Variants in RFX3 observed in about 807,000 individuals in gnomAD.
RFX3 encodes the protein transcription factor RFX3.
In RFX3, 14 loss-of-function variants were observed where a neutral mutation model predicts 98.6. The ratio of observed to expected loss-of-function variants is 0.14; its 90% CI spans 0.09 to 0.22. RFX3 has a LOEUF of 0.22. RFX3 is among the 10% of genes least tolerant of loss of function. The pLI, the probability that RFX3 is intolerant of heterozygous loss-of-function variation, is 1.00. For missense variants in RFX3, 639 were observed against 926.9 expected (o/e 0.69, Z 4.03); for synonymous variants, 383 against 328.4 (o/e 1.17, Z -1.80).
chr9:3,349,862 T>C (rs1453920639), intron 2 of RFX3, among the ~76,000 whole-genome samples: 2 of 152,098 alleles, frequency 1.3e-5, no homozygotes, highest in Non-Finnish European at 2.9e-5. Flanking sequence ...TATATTCCTT[T>C]TGACTTGGAA....
At chr9:3,287,695 G>A (rs146393452) in intron 7 of RFX3, among the ~76,000 whole-genome samples, 1 of 152,008 alleles carries the variant, frequency 6.6e-6, no homozygotes, top group East Asian at 1.9e-4. Flanking sequence ...CAGCAATTCT[G>A]TATCTATGAA....
intron 1 of RFX3, among the ~76,000 whole-genome samples, chr9:3,507,387 C>T (rs1817205006): frequency 6.6e-6 from 1 of 151,888 alleles, no homozygotes; most frequent in Non-Finnish European, 1.5e-5. Flanking sequence ...ATTAAACACT[C>T]ACATGTCAGG....
chr9:3,396,157 T>A (rs1388636738), intron 1 of RFX3, among the ~76,000 whole-genome samples: 3 of 152,050 alleles, frequency 2.0e-5, no homozygotes, highest in African/African-American at 7.3e-5. Context: ...TCATTTAACA[T>A]TAGGTATATC....
chr9:3,319,442 C>T (rs1049857290), intron 4 of RFX3, among the ~76,000 whole-genome samples: 1 of 151,932 alleles, frequency 6.6e-6, no homozygotes, highest in African/African-American at 2.4e-5. Flanking sequence ...CACAATGGTG[C>T]CAGTTAACTC....
intron 1 of RFX3, among the ~76,000 whole-genome samples, chr9:3,412,371 G>A (rs1842533957): frequency 6.6e-6 from 1 of 152,088 alleles, no homozygotes; most frequent in African/African-American, 2.4e-5. Context: ...GGAATGTTAT[G>A]AATTATAGAA....
At chr9:3,241,525 T>C (rs1180770036) in intron 15 of RFX3, among the ~76,000 whole-genome samples, 1 of 152,110 alleles carries the variant, frequency 6.6e-6, no homozygotes, top group African/African-American at 2.4e-5. Context: ...AACAGATTCC[T>C]TTCTCAAATC....
At chr9:3,300,528 T>C (rs1170851086) in intron 5 of RFX3, among the ~76,000 whole-genome samples, 1 of 151,744 alleles carries the variant, frequency 6.6e-6, no homozygotes, top group Non-Finnish European at 1.5e-5. Flanking sequence ...TTTCTATGAG[T>C]AAAAGTTTTA....
chr9:3,250,791 T>C (rs1346075766), intron 14 of RFX3, among the ~76,000 whole-genome samples: 1 of 152,000 alleles, frequency 6.6e-6, no homozygotes, highest in East Asian at 1.9e-4. Context: ...AGTAGTAACA[T>C]ACAAAGATGT....
At chr9:3,433,654 G>A (rs1844859274) in intron 1 of RFX3, among the ~76,000 whole-genome samples, 1 of 152,122 alleles carries the variant, frequency 6.6e-6, no homozygotes, top group East Asian at 1.9e-4. Flanking sequence ...TAGATTACAG[G>A]CTAAAAATGT....
rs1817275471 is a variant in RFX3 at position 3,220,358 on chromosome 9, A to G, written c.*4684T>C. 1 of 151,776 alleles carries G rather than the reference A, an allele frequency of 6.6e-6. No individual in the cohort carries two copies. The highest frequency in any genetic ancestry group is 1.9e-4 in the East Asian group (1 of 5,188). The allele number at this position is 151,776 out of a possible 1,614,324, so 9.4% of individuals were successfully genotyped here. On this transcript the variant is annotated 3_prime_UTR_variant, in exon 17 of 17. Transcript: ENST00000617270. ...GGGAAAAAAAAGACAAAAAAAAAAGAAACTTAACCCTTTCTTTATACCTTT... is the reference window on the plus strand; with the variant it reads ...GGGAAAAAAAAGACAAAAAAAAAAGGAACTTAACCCTTTCTTTATACCTTT...
intron 4 of RFX3, among the ~76,000 whole-genome samples, chr9:3,315,026 A>G (rs1411929014): frequency 2.6e-5 from 4 of 152,216 alleles, no homozygotes; most frequent in African/African-American, 9.7e-5. Context: ...AAGCAGACCT[A>G]ATAGACATCT....
chr9:3,503,300 G>C (rs745917806), intron 1 of RFX3, among the ~76,000 whole-genome samples: 1 of 152,130 alleles, frequency 6.6e-6, no homozygotes, highest in African/African-American at 2.4e-5. Flanking sequence ...ATATATAATT[G>C]TATAAGTTCA....
At chr9:3,378,048 G>T (rs12341437) in intron 2 of RFX3, among the ~76,000 whole-genome samples, 2,124 of 152,202 alleles carry the variant, frequency 0.014, 65 homozygotes, top group African/African-American at 0.048. Flanking sequence ...TAAGTATCCT[G>T]TTCATTGAGG....
chr9:3,278,832 G>C (rs760859132), intron 7 of RFX3, among the ~76,000 whole-genome samples: 13 of 151,708 alleles, frequency 8.6e-5, no homozygotes, highest in Non-Finnish European at 1.8e-4. Flanking sequence ...AGTCAGAGGG[G>C]GAAGAGATTG....
At chr9:3,270,971 G>A in intron 10 of RFX3, 32 bp downstream of exon 10, 1 of 1,613,492 alleles carries the variant, frequency 6.2e-7, no homozygotes. Context: ...ACTCAGCCAT[G>A]AAAATGAATT....
intron 1 of RFX3, among the ~76,000 whole-genome samples, chr9:3,499,900 C>T (rs369495340): frequency 2.0e-5 from 3 of 152,016 alleles, no homozygotes; most frequent in South Asian, 4.1e-4. Flanking sequence ...ATTCTTGGAA[C>T]CATTTAGCCC....
intron 1 of RFX3, among the ~76,000 whole-genome samples, chr9:3,439,495 G>C (rs909387455): frequency 2.0e-5 from 3 of 151,950 alleles, no homozygotes; most frequent in Admixed American, 2.0e-4. Flanking sequence ...AGAATCTATA[G>C]ATAATATGGG....
chr9:3,457,049 G>C (rs201699303), intron 1 of RFX3, among the ~76,000 whole-genome samples: 1 of 145,232 alleles, frequency 6.9e-6, no homozygotes, highest in African/African-American at 2.5e-5. Flanking sequence ...GCTAAGGCAG[G>C]AGAATAGCTT....
At chr9:3,339,637 G>A (rs1587166252) in intron 3 of RFX3, among the ~76,000 whole-genome samples, 1 of 152,130 alleles carries the variant, frequency 6.6e-6, no homozygotes, top group East Asian at 1.9e-4. Flanking sequence ...ACTGTTCCAG[G>A]TATTAGACAG....
Sources: allele counts gnomAD v4.1 joint callset (sites outside exome capture counted in the v4.1 genomes callset), GRCh38; gene constraint gnomAD v4.1.1; transcripts MANE v1.5; gene names NCBI Gene and HGNC (gene_info 2026-07-23, HGNC 2026-07-21).